EDARADD: variants seen among roughly 807,000 people sequenced by gnomAD.
EDARADD encodes the protein EDAR associated via death domain, also known as ectodysplasin-A receptor-associated adapter protein.
EDARADD carries 20 observed loss-of-function variants against 25.6 expected under a neutral mutation model. That is an observed-to-expected ratio of 0.78 (90% CI 0.55 to 1.14). EDARADD has a LOEUF of 1.14. EDARADD is among the 50% of genes most tolerant of loss of function. The probability of loss-of-function intolerance (pLI) is 0.00; values close to 1 mark genes in which losing one functional copy is unlikely to be tolerated. For synonymous variants in EDARADD, 86 were observed against 94.4 expected, an observed-to-expected ratio of 0.91 and a Z score of 0.52; for missense variants, 225 against 270.1, an observed-to-expected ratio of 0.83 and a Z score of 1.17.
intron 3 of EDARADD, among the ~76,000 whole-genome samples, chr1:236,378,150 G>A (rs780289233): frequency 1.2e-4 from 18 of 152,094 alleles, no homozygotes; most frequent in Non-Finnish European, 2.2e-4. Context: ...GGTTGGAGTT[G>A]GGTATTTTCC....
intron 1 of EDARADD, among the ~76,000 whole-genome samples, chr1:236,405,861 C>CTTT: frequency 3.6e-5 from 2 of 55,152 alleles, no homozygotes; most frequent in East Asian, 4.1e-4. Flanking sequence ...TTCCTTCCTT[C>CTTT]CTTCCTTCCT....
chr1:236,422,601 C>G (rs778845574), intron 3 of EDARADD, among the ~76,000 whole-genome samples: 15 of 152,212 alleles, frequency 9.9e-5, no homozygotes, highest in Non-Finnish European at 1.6e-4. Context: ...AAAGCAGCAA[C>G]TGTCTGCTGA....
At chr1:236,472,440 G>C (rs1659383725) in intron 5 of EDARADD, among the ~76,000 whole-genome samples, 1 of 152,140 alleles carries the variant, frequency 6.6e-6, no homozygotes, top group African/African-American at 2.4e-5. Flanking sequence ...CACACATCAG[G>C]GTTTTGTAAA....
In EDARADD at chr1:236,421,543, G is replaced by A. The variant is rs942695400; in HGVS notation, c.161-5849G>A. ...GACAGAGTCTCACTCTGTCGCCCAG[G>A]CTGGGGTGCAGTGGCTCAATCTCGG... On this transcript the variant is annotated intron_variant, in intron 3 of 5. Transcript: ENST00000334232. Among the ~76,000 whole-genome samples the A allele has an allele frequency of 4.2e-5, 6 of 141,254 alleles. 1 individual carries two copies. Among genetic ancestry groups the A allele is most frequent in the Admixed American group, 3.0e-4 (4 of 13,452 alleles). The allele number at this position is 141,254 out of a possible 152,430, so 92.7% of individuals were successfully genotyped here.
At position 236,401,672 on chromosome 1, in the gene EDARADD, G is replaced by A. The variant is rs185965327; in HGVS notation, c.61+7167G>A. ...AATGATTAACGCTTTTGGGGATGTC[G>A]GGAGGAGGCAAATAGATTCTGCATG... On this transcript the variant is annotated intron_variant, in intron 1 of 5. Coordinates refer to ENST00000334232, the MANE Select transcript of EDARADD (RefSeq NM_145861.4). 7.1e-4 allele frequency among the ~76,000 whole-genome samples: 108 copies of A among 152,280 alleles called. 1 individual carries two copies. The East Asian group carries it at 8.3e-3, about 12-fold the overall frequency.
At chr1:236,363,006 A>AAAAAATATATATATATAT (rs1377112051) in intron 3 of EDARADD, among the ~76,000 whole-genome samples, 3 of 42,948 alleles carry the variant, frequency 7.0e-5, no homozygotes, top group African/African-American at 2.2e-4. Flanking sequence ...AAAAAAAAAA[A>AAAAAATATATATATATAT]ATATATATAT....
chr1:236,412,702 C>T (rs900556249), intron 2 of EDARADD, among the ~76,000 whole-genome samples: 2 of 152,182 alleles, frequency 1.3e-5, no homozygotes, highest in Non-Finnish European at 2.9e-5. Context: ...GCTCCAGCAT[C>T]GTCTTTCTAG....
In EDARADD at chr1:236,483,783, G is replaced by A. The variant is rs1056510039; in HGVS notation, c.*1134G>A. On this transcript the variant is annotated 3_prime_UTR_variant, in exon 6 of 6. Transcript: ENST00000334232. ...GAAATATGGGAAAGATGCCACCGGT[G>A]TGGGGGATGGAGGCGCGTTTGCTCC... is the stretch of plus-strand genomic sequence containing the variant. The A allele has an allele frequency of 4.4e-5, 65 of 1,469,198 alleles. No individual in the cohort carries two copies. The East Asian group carries it at 1.4e-3, about 32-fold the overall frequency. The allele number at this position is 1,469,198 out of a possible 1,614,324, so 91.0% of individuals were successfully genotyped here.
rs1659714283 is a variant in EDARADD, at chr1:236,482,739, A to C, written c.*90A>C. Reference sequence around the variant, plus strand: ...TGAATCTGTTGTTTTATAAGAGTTTAGGACAAGGACGTGGAACAGTGGACA... The same window carrying C: ...TGAATCTGTTGTTTTATAAGAGTTTCGGACAAGGACGTGGAACAGTGGACA... On this transcript the variant is annotated 3_prime_UTR_variant, in exon 6 of 6. Transcript: ENST00000334232. The C allele has an allele frequency of 6.3e-7, 1 of 1,587,208 alleles. No homozygotes were observed. The highest frequency in any genetic ancestry group is 1.1e-5 in the South Asian group (1 of 89,996).
At chr1:236,402,677 G>T (rs1667634685) in intron 1 of EDARADD, among the ~76,000 whole-genome samples, 1 of 152,148 alleles carries the variant, frequency 6.6e-6, no homozygotes, top group Non-Finnish European at 1.5e-5. Context: ...TTCCCAAAGT[G>T]CTGGGACTAC....
At chr1:236,365,875 T>G (rs1667108050) in intron 3 of EDARADD, among the ~76,000 whole-genome samples, 1 of 152,180 alleles carries the variant, frequency 6.6e-6, no homozygotes, top group Non-Finnish European at 1.5e-5. Context: ...TCACTAACCT[T>G]TTTTCTGCAA....
chr1:236,370,116 C>T (rs748954799), intron 3 of EDARADD, among the ~76,000 whole-genome samples: 4 of 151,950 alleles, frequency 2.6e-5, no homozygotes, highest in Middle Eastern at 3.2e-3. Flanking sequence ...TAGACAGAGC[C>T]GATTCATCAA....
intron 4 of EDARADD, among the ~76,000 whole-genome samples, chr1:236,453,469 G>A (rs1027107407): frequency 9.2e-5 from 14 of 151,894 alleles, no homozygotes; most frequent in Non-Finnish European, 1.9e-4. Flanking sequence ...GTAGGGATGG[G>A]GTTTCGACAC....
intron 3 of EDARADD, among the ~76,000 whole-genome samples, chr1:236,359,307 G>C (rs1034498299): frequency 2.0e-5 from 3 of 152,184 alleles, no homozygotes; most frequent in Admixed American, 2.0e-4. Context: ...CTTAGGAATT[G>C]GAATGTTTAG....
In EDARADD at chr1:236,417,070, TCCTGGGCTAC is replaced by T. The variant is rs1394633830; in HGVS notation, c.160+2772_160+2781del. ...TTGAGGCTGCAGTGAGGCATGAACT[TCCTGGGCTAC>T]ACCCCAGCCTGGGTAACAGAATGAG... is the stretch of plus-strand genomic sequence containing the variant. On this transcript the variant is annotated intron_variant, in intron 3 of 5. Transcript: ENST00000334232. Among the ~76,000 whole-genome samples the T allele has an allele frequency of 2.2e-4, 33 of 152,042 alleles. 1 individual carries two copies. Among genetic ancestry groups the T allele is most frequent in the Non-Finnish European group, 2.9e-5 (2 of 68,018 alleles).
chr1:236,384,712 G>A (rs1273778041), intron 3 of EDARADD, among the ~76,000 whole-genome samples: 1 of 151,796 alleles, frequency 6.6e-6, no homozygotes, highest in East Asian at 1.9e-4. Flanking sequence ...ATTATTTTTT[G>A]TAGAGACAGT....
chr1:236,361,650 TTCCTTC>T (rs1667052384), intron 3 of EDARADD, among the ~76,000 whole-genome samples: 1 of 149,050 alleles, frequency 6.7e-6, no homozygotes. Context: ...TATATATATA[TTCCTTC>T]ATACCATAGG....
chr1:236,359,353 C>T (rs1182298831), intron 3 of EDARADD, among the ~76,000 whole-genome samples: 3 of 152,188 alleles, frequency 2.0e-5, no homozygotes, highest in Non-Finnish European at 2.9e-5. Flanking sequence ...TTAATAGATT[C>T]ATTCCATTAT....
At position 236,483,066 on chromosome 1, in the gene EDARADD, G is replaced by T. The variant is rs189781826; in HGVS notation, c.*417G>T. 3.8e-6 allele frequency: 3 copies of T among 799,946 alleles called. No individual in the cohort carries two copies. The highest frequency in any genetic ancestry group is 2.6e-5 in the East Asian group (1 of 38,410). 49.6% of individuals were successfully genotyped at this position (799,946 alleles called of 1,614,324 possible). A position where few individuals can be genotyped will look rare whatever the true frequency, so the allele number is the denominator to read the frequency against. ...CTCTCCTGATCAGTGCCATTCCCAC[G>T]GTTTCAAAGAAAACAGCTACAAGGA... is the stretch of plus-strand genomic sequence containing the variant. On this transcript the variant is annotated 3_prime_UTR_variant, in exon 6 of 6. Transcript: ENST00000334232.
Sources: allele counts gnomAD v4.1 joint callset (sites outside exome capture counted in the v4.1 genomes callset), GRCh38; gene constraint gnomAD v4.1.1; transcripts MANE v1.5; gene names NCBI Gene and HGNC (gene_info 2026-07-23, HGNC 2026-07-21).